Variants in EPHX1 observed in about 807,000 individuals in gnomAD.
EPHX1 encodes epoxide hydratase.
EPHX1 carries 40 observed loss-of-function variants against 43.2 expected under a neutral mutation model. The observed-to-expected ratio is 0.93, with a 90% CI of 0.72 to 1.21. The LOEUF (loss-of-function observed/expected upper bound fraction) is 1.21. Ranked by LOEUF, EPHX1 falls within the 50% of genes most tolerant of loss-of-function variation. The pLI is 0.00. For synonymous variants in EPHX1, 221 were observed against 226.7 expected, an observed-to-expected ratio of 0.98 and a Z score of 0.22; for missense variants, 550 against 570.4, an observed-to-expected ratio of 0.96 and a Z score of 0.36.
chr1:225,837,497 TA>T (rs964210916), intron 3 of EPHX1, among the ~76,000 whole-genome samples: 3 of 151,622 alleles, frequency 2.0e-5, no homozygotes, highest in African/African-American at 7.3e-5. Flanking sequence ...GCATTGCACT[TA>T]AAAAAAAATC....
chr1:225,837,187 G>A (rs942869456), intron 3 of EPHX1, among the ~76,000 whole-genome samples: 3 of 152,236 alleles, frequency 2.0e-5, no homozygotes, highest in Non-Finnish European at 4.4e-5. Context: ...GATTACATGT[G>A]AGTCTTCCCC....
intron 8 of EPHX1, 146 bp downstream of exon 8, chr1:225,844,769 A>C: frequency 3.0e-6 from 4 of 1,346,874 alleles, no homozygotes; most frequent in Non-Finnish European, 4.0e-6. Context: ...GGGAACACTA[A>C]AGGTCGAGGT....
chr1:225,835,382 CTTTT>C (rs763161291), intron 3 of EPHX1, among the ~76,000 whole-genome samples: 4 of 90,938 alleles, frequency 4.4e-5, no homozygotes, highest in East Asian at 6.4e-4. Flanking sequence ...CCACACTAGG[CTTTT>C]TTTTTTTTTT....
At chr1:225,834,442 G>A (rs747241939) in intron 3 of EPHX1, among the ~76,000 whole-genome samples, 2 of 151,952 alleles carry the variant, frequency 1.3e-5, no homozygotes, top group Admixed American at 6.6e-5. Context: ...CGGAAACCTC[G>A]ACTTGGAGGT....
chr1:225,836,841 C>T (rs769101603), intron 3 of EPHX1, among the ~76,000 whole-genome samples: 8 of 152,114 alleles, frequency 5.3e-5, no homozygotes, highest in African/African-American at 9.7e-5. Context: ...TCCTGCCAGC[C>T]GAATACATCC....
chr1:225,844,174 G>A (rs1305745547), intron 7 of EPHX1, among the ~76,000 whole-genome samples: 1 of 152,150 alleles, frequency 6.6e-6, no homozygotes, highest in Non-Finnish European at 1.5e-5. Flanking sequence ...CACAGTAGCT[G>A]GTGCCCTGAG....
At chr1:225,833,688 G>A (rs1304634878) in intron 3 of EPHX1, among the ~76,000 whole-genome samples, 1 of 151,588 alleles carries the variant, frequency 6.6e-6, no homozygotes, top group African/African-American at 2.4e-5. Context: ...CCAGCTACTC[G>A]GGAGGATGAG....
At chr1:225,814,396 C>T (rs1666624405) in intron 1 of EPHX1, among the ~76,000 whole-genome samples, 2 of 152,204 alleles carry the variant, frequency 1.3e-5, no homozygotes, top group African/African-American at 2.4e-5. Context: ...AAAACTACCT[C>T]TTCTTAAGAT....
chr1:225,839,791 C>A, intron 5 of EPHX1, 38 bp from the exon 6 acceptor site: 1 of 1,603,314 alleles, frequency 6.2e-7, no homozygotes. Flanking sequence ...TCCTTGACAC[C>A]AGCCCAGCCT....
chr1:225,825,174 G>A (rs1667170625), intron 1 of EPHX1, among the ~76,000 whole-genome samples: 1 of 152,292 alleles, frequency 6.6e-6, no homozygotes, highest in Non-Finnish European at 1.5e-5. Flanking sequence ...GATGGGACTC[G>A]AGCACTGATC....
chr1:225,827,056 G>A (rs1420743728), intron 1 of EPHX1, among the ~76,000 whole-genome samples: 1 of 152,168 alleles, frequency 6.6e-6, no homozygotes, highest in African/African-American at 2.4e-5. Context: ...CTGGACCACT[G>A]TGGACAAGTA....
chr1:225,810,912 G>C (rs1666448893), intron 1 of EPHX1, among the ~76,000 whole-genome samples: 1 of 152,142 alleles, frequency 6.6e-6, no homozygotes, highest in African/African-American at 2.4e-5. Context: ...GGCAGGAACC[G>C]GCCATCTGGA....
intron 3 of EPHX1, among the ~76,000 whole-genome samples, chr1:225,832,686 C>T (rs1232547661): frequency 6.6e-6 from 1 of 152,234 alleles, no homozygotes; most frequent in East Asian, 1.9e-4. Context: ...CTCAGAATCC[C>T]GATTCTCCAA....
intron 3 of EPHX1, among the ~76,000 whole-genome samples, chr1:225,835,936 C>T (rs185319341): frequency 4.8e-4 from 73 of 152,206 alleles, no homozygotes; most frequent in African/African-American, 1.7e-3. Context: ...CGTGGACTTA[C>T]CCATGTGTGG....
chr1:225,844,270 G>T (rs1668708857), intron 7 of EPHX1, among the ~76,000 whole-genome samples: 1 of 151,644 alleles, frequency 6.6e-6, no homozygotes, highest in South Asian at 2.1e-4. Context: ...AAGGTGGGTG[G>T]GGGGAGGACC....
chr1:225,811,327 C>T (rs967874728), intron 1 of EPHX1, among the ~76,000 whole-genome samples: 1 of 152,128 alleles, frequency 6.6e-6, no homozygotes, highest in Non-Finnish European at 1.5e-5. Context: ...AGTTGAATGC[C>T]CCCTCCATAG....
chr1:225,818,926 TAAAAAAA>T (rs546153231), intron 1 of EPHX1, among the ~76,000 whole-genome samples: 5 of 95,582 alleles, frequency 5.2e-5, no homozygotes, highest in African/African-American at 2.1e-4. Context: ...CTGTCTCCAT[TAAAAAAA>T]AAAAAAAAAA....
At chr1:225,835,833 C>G (rs1667933366) in intron 3 of EPHX1, among the ~76,000 whole-genome samples, 1 of 151,930 alleles carries the variant, frequency 6.6e-6, no homozygotes, top group Non-Finnish European at 1.5e-5. Flanking sequence ...TAGGTGTGAG[C>G]CACCACACCC....
At chr1:225,834,265 C>A (rs1216188818) in intron 3 of EPHX1, among the ~76,000 whole-genome samples, 1 of 151,072 alleles carries the variant, frequency 6.6e-6, no homozygotes, top group Non-Finnish European at 1.5e-5. Flanking sequence ...ATTAGCTGGG[C>A]ATGGTGGCAC....
Sources: allele counts gnomAD v4.1 joint callset (sites outside exome capture counted in the v4.1 genomes callset), GRCh38; gene constraint gnomAD v4.1.1; transcripts MANE v1.5; gene names NCBI Gene and HGNC (gene_info 2026-07-23, HGNC 2026-07-21).